The following ZCCHC7 variants were observed in gnomAD, a reference collection of about 807,000 sequenced individuals.
ZCCHC7 encodes the protein zinc finger CCHC domain-containing protein 7.
In ZCCHC7, 35 loss-of-function variants were observed where a neutral mutation model predicts 52.0. The ratio of observed to expected loss-of-function variants is 0.67; its 90% CI spans 0.51 to 0.89. The LOEUF is 0.89. ZCCHC7 is among the 40% of genes least tolerant of loss of function. ZCCHC7 has a pLI of 0.00. For missense variants in ZCCHC7, 574 were observed against 649.1 expected (o/e 0.88, Z 1.26); for synonymous variants, 217 against 221.5 (o/e 0.98, Z 0.18).
chr9:37,338,094 G>A (rs1272688828), intron 6 of ZCCHC7, among the ~76,000 whole-genome samples: 1 of 152,116 alleles, frequency 6.6e-6, no homozygotes, highest in South Asian at 2.1e-4. Context: ...TTCAGGAAGT[G>A]AATTACTCTG....
intron 6 of ZCCHC7, among the ~76,000 whole-genome samples, chr9:37,335,256 G>C (rs1431825756): frequency 1.3e-5 from 2 of 151,932 alleles, no homozygotes; most frequent in Non-Finnish European, 2.9e-5. Context: ...TTTTTACCAG[G>C]CCTTAGAAAA....
intron 6 of ZCCHC7, among the ~76,000 whole-genome samples, chr9:37,343,181 G>A (rs1284663032): frequency 6.6e-6 from 1 of 152,166 alleles, no homozygotes; most frequent in Non-Finnish European, 1.5e-5. Flanking sequence ...ACACCTCTTA[G>A]TGTCTTTTGA....
rs374099688 is a variant in ZCCHC7, at chr9:37,217,547, T to G, written c.611-84641T>G. Among the ~76,000 whole-genome samples the G allele has an allele frequency of 6.6e-5, 10 of 152,280 alleles. No individual in the cohort carries two copies. In the East Asian group the frequency reaches 1.5e-3, roughly 23 times the overall value. On this transcript the variant is annotated intron_variant, in intron 2 of 8. Coordinates refer to ENST00000336755, the MANE Select transcript of ZCCHC7 (RefSeq NM_032226.3). The stretch of plus-strand genomic sequence containing the variant: ...ATTTGATTAAAGTGGATACTTAGAA[T>G]GTATGCAGTACATGTTTTCCACATG...
At chr9:37,257,871 T>A (rs1353414669) in intron 2 of ZCCHC7, among the ~76,000 whole-genome samples, 1 of 152,304 alleles carries the variant, frequency 6.6e-6, no homozygotes, top group African/African-American at 2.4e-5. Flanking sequence ...CTTTTGTATA[T>A]AGCCTGCTGA....
intron 2 of ZCCHC7, among the ~76,000 whole-genome samples, chr9:37,139,908 T>C (rs527759569): frequency 9.2e-5 from 14 of 151,886 alleles, no homozygotes; most frequent in Non-Finnish European, 1.6e-4. Context: ...TCTTGAAAAC[T>C]TTTCAATACT....
chr9:37,228,577 G>A (rs1825236068), intron 2 of ZCCHC7, among the ~76,000 whole-genome samples: 1 of 151,616 alleles, frequency 6.6e-6, no homozygotes, highest in African/African-American at 2.4e-5. Context: ...CAGCATTTCA[G>A]TTTTGCCCAG....
chr9:37,158,369 A>G (rs1464125183), intron 2 of ZCCHC7, among the ~76,000 whole-genome samples: 1 of 152,206 alleles, frequency 6.6e-6, no homozygotes, highest in Non-Finnish European at 1.5e-5. Context: ...CATGTTGAAC[A>G]ACGACTCTAG....
At chr9:37,274,772 A>G (rs1036726388) in intron 2 of ZCCHC7, among the ~76,000 whole-genome samples, 1 of 150,504 alleles carries the variant, frequency 6.6e-6, no homozygotes, top group Non-Finnish European at 1.5e-5. Context: ...TATTTGCTGT[A>G]TTTTCTCATA....
intron 7 of ZCCHC7, among the ~76,000 whole-genome samples, chr9:37,349,659 A>G (rs547761839): frequency 3.5e-4 from 53 of 152,380 alleles, no homozygotes; most frequent in Admixed American, 2.0e-4. Flanking sequence ...TGTTACATGT[A>G]CATGAACAGG....
chr9:37,258,903 AG>A lies in ZCCHC7; in HGVS notation c.611-43284del, dbSNP rs565652082. Among the ~76,000 whole-genome samples the A allele has an allele frequency of 1.4e-4, 21 of 152,086 alleles. 1 individual carries two copies. In the South Asian group the frequency reaches 4.4e-3, roughly 32 times the overall value. ...TTTAAGATCAGGATTGTAGGATTGT[AG>A]CACAGAAGTTAAAGAAAAGTGGCCA... On this transcript the variant is annotated intron_variant, in intron 2 of 8. Coordinates refer to ENST00000336755, the MANE Select transcript of ZCCHC7 (RefSeq NM_032226.3).
intron 2 of ZCCHC7, among the ~76,000 whole-genome samples, chr9:37,295,506 T>G (rs1046188019): frequency 6.6e-6 from 1 of 152,176 alleles, no homozygotes; most frequent in Non-Finnish European, 1.5e-5. Flanking sequence ...ATAGAAATAG[T>G]CAGAAGATAT....
intron 2 of ZCCHC7, among the ~76,000 whole-genome samples, chr9:37,280,547 T>C (rs1827904339): frequency 6.6e-6 from 1 of 151,538 alleles, no homozygotes; most frequent in African/African-American, 2.4e-5. Flanking sequence ...ATAATAGAAT[T>C]AGAAATCAAT....
At chr9:37,184,649 G>A (rs1822552668) in intron 2 of ZCCHC7, among the ~76,000 whole-genome samples, 1 of 152,050 alleles carries the variant, frequency 6.6e-6, no homozygotes, top group Non-Finnish European at 1.5e-5. Flanking sequence ...CTGATAAAAT[G>A]CTATTTTATT....
At chr9:37,172,881 A>G (rs932003327) in intron 2 of ZCCHC7, among the ~76,000 whole-genome samples, 3 of 151,170 alleles carry the variant, frequency 2.0e-5, no homozygotes, top group Non-Finnish European at 4.4e-5. Context: ...TGCAATAGGG[A>G]CTTGAGTGAG....
At chr9:37,267,609 A>G (rs1378758376) in intron 2 of ZCCHC7, among the ~76,000 whole-genome samples, 2 of 127,112 alleles carry the variant, frequency 1.6e-5, no homozygotes, top group African/African-American at 3.1e-5. Flanking sequence ...TCGCTCTGTC[A>G]CCCAGGCTGG....
At chr9:37,345,415 C>T (rs1306082708) in intron 6 of ZCCHC7, among the ~76,000 whole-genome samples, 1 of 152,194 alleles carries the variant, frequency 6.6e-6, no homozygotes, top group African/African-American at 2.4e-5. Context: ...GGATACATGG[C>T]TTACATGCGT....
chr9:37,192,403 C>T (rs1210138872), intron 2 of ZCCHC7, among the ~76,000 whole-genome samples: 1 of 152,158 alleles, frequency 6.6e-6, no homozygotes, highest in Non-Finnish European at 1.5e-5. Flanking sequence ...CATTCCTATT[C>T]CCTGACCTCT....
intron 6 of ZCCHC7, among the ~76,000 whole-genome samples, chr9:37,348,246 T>A (rs1821125536): frequency 6.6e-6 from 1 of 151,918 alleles, no homozygotes; most frequent in Non-Finnish European, 1.5e-5. Context: ...CTACTTTTTC[T>A]GAATCAATCC....
intron 2 of ZCCHC7, among the ~76,000 whole-genome samples, chr9:37,301,066 T>C (rs2133690053): frequency 6.6e-6 from 1 of 152,308 alleles, no homozygotes; most frequent in Admixed American, 6.5e-5. Flanking sequence ...AGTGAGATAT[T>C]ATTCAGAGTC....
Sources: gnomAD v4.1 joint callset for allele counts (sites outside exome capture counted in the v4.1 genomes callset) on GRCh38, gnomAD v4.1.1 for gene constraint, MANE v1.5 for transcripts, NCBI Gene and HGNC (gene_info 2026-07-23, HGNC 2026-07-21) for gene names.